Variants in SAMD12 observed in about 807,000 individuals in gnomAD.
SAMD12 encodes the protein sterile alpha motif domain containing 12, also known as sterile alpha motif domain-containing protein 12.
In SAMD12, 9 loss-of-function variants were observed where a neutral mutation model predicts 15.0. The ratio of observed to expected loss-of-function variants is 0.60; its 90% CI spans 0.36 to 1.05. SAMD12 has a LOEUF of 1.05. Ranked by LOEUF, SAMD12 falls within the 50% of genes least tolerant of loss-of-function variation. The probability of loss-of-function intolerance (pLI) is 0.01; values close to 1 mark genes in which losing one functional copy is unlikely to be tolerated. For synonymous variants in SAMD12, 86 were observed against 90.1 expected, an observed-to-expected ratio of 0.96 and a Z score of 0.25; for missense variants, 230 against 234.2, an observed-to-expected ratio of 0.98 and a Z score of 0.12.
At chr8:118,490,777 A>G (rs1356367778) in intron 2 of SAMD12, among the ~76,000 whole-genome samples, 2 of 152,154 alleles carry the variant, frequency 1.3e-5, no homozygotes, top group Admixed American at 1.3e-4. Flanking sequence ...TCTCCTAGAG[A>G]AGGCCTCCAG....
chr8:118,391,749 T>G (rs1820286420), intron 3 of SAMD12, among the ~76,000 whole-genome samples: 1 of 152,148 alleles, frequency 6.6e-6, no homozygotes, highest in Non-Finnish European at 1.5e-5. Flanking sequence ...GGTAGAAAAA[T>G]TAACAAGTAT....
intron 2 of SAMD12, among the ~76,000 whole-genome samples, chr8:118,472,285 TAA>T (rs573240063): frequency 1.7e-4 from 24 of 138,024 alleles, no homozygotes; most frequent in Non-Finnish European, 1.9e-4. Context: ...AGACTCCATC[TAA>T]AAAAAAAAAA....
At chr8:118,509,021 C>T (rs1178779162) in intron 2 of SAMD12, among the ~76,000 whole-genome samples, 1 of 152,074 alleles carries the variant, frequency 6.6e-6, no homozygotes, top group Non-Finnish European at 1.5e-5. Flanking sequence ...AGTCATTTGC[C>T]ACTTGGGAGG....
At chr8:118,304,057 A>G (rs977152546) in intron 4 of SAMD12, among the ~76,000 whole-genome samples, 4 of 152,148 alleles carry the variant, frequency 2.6e-5, no homozygotes, top group Admixed American at 2.0e-4. Context: ...AGTTGTCTTC[A>G]TCCTTCAAAG....
the SAMD12 span, among the ~76,000 whole-genome samples, chr8:118,164,325 TCA>T: frequency 1.3e-5 from 2 of 152,162 alleles, no homozygotes; most frequent in Non-Finnish European, 1.5e-5. Context: ...ATTTTGAAGG[TCA>T]TACCAGGCAG....
At chr8:118,159,832 G>T in the SAMD12 span, among the ~76,000 whole-genome samples, 3 of 149,860 alleles carry the variant, frequency 2.0e-5, no homozygotes, top group Non-Finnish European at 4.4e-5. Context: ...CGATTCTCCT[G>T]CCTCACTCTC....
At chr8:118,284,458 C>T (rs1210102090) in intron 4 of SAMD12, 4 of 424,146 alleles carry the variant, frequency 9.4e-6, no homozygotes, top group Admixed American at 2.6e-5. Flanking sequence ...TCCCTGTCCC[C>T]TTTAATCTTC....
At chr8:118,472,164 G>A (rs1343193911) in intron 2 of SAMD12, among the ~76,000 whole-genome samples, 1 of 152,078 alleles carries the variant, frequency 6.6e-6, no homozygotes, top group African/African-American at 2.4e-5. Context: ...GTGGGTGCCC[G>A]TAGCCCCAGC....
intron 4 of SAMD12, among the ~76,000 whole-genome samples, chr8:118,349,276 C>T (rs536813436): frequency 3.6e-4 from 55 of 152,294 alleles, no homozygotes; most frequent in Admixed American, 3.1e-3. Flanking sequence ...ACTGAATAAT[C>T]CTTCATCGAG....
chr8:118,386,669 G>A (rs1329636510), intron 3 of SAMD12, among the ~76,000 whole-genome samples: 1 of 152,210 alleles, frequency 6.6e-6, no homozygotes, highest in Non-Finnish European at 1.5e-5. Flanking sequence ...CACAGAAGAT[G>A]AGGTAGAGAC....
At chr8:118,542,010 C>T (rs889884580) in intron 2 of SAMD12, among the ~76,000 whole-genome samples, 7 of 152,034 alleles carry the variant, frequency 4.6e-5, no homozygotes, top group Non-Finnish European at 5.9e-5. Flanking sequence ...TGAAAAGGAC[C>T]GTGCCAAATA....
intron 3 of SAMD12, among the ~76,000 whole-genome samples, chr8:118,383,054 A>G (rs572385083): frequency 1.1e-4 from 16 of 152,198 alleles, no homozygotes; most frequent in Non-Finnish European, 2.2e-4. Context: ...CGAACATCCA[A>G]ATAAGTGTGG....
At chr8:118,384,290 A>T (rs186204392) in intron 3 of SAMD12, among the ~76,000 whole-genome samples, 9 of 152,290 alleles carry the variant, frequency 5.9e-5, no homozygotes, top group Non-Finnish European at 1.3e-4. Context: ...TCTTCTGAAT[A>T]TGGAAAGTTT....
At position 118,302,442 on chromosome 8, in the gene SAMD12, C is replaced by T. The variant is rs969766088; in HGVS notation, c.433+77118G>A. ...GATATTTAGAACATTTGGAGAATAA[C>T]GAGAGGATATATAATAAAGGGCTAA... On this transcript the variant is annotated intron_variant, in intron 4 of 4. Coordinates refer to the SAMD12 transcript ENST00000409003. 5.3e-5 allele frequency among the ~76,000 whole-genome samples: 8 copies of T among 152,096 alleles called. No homozygotes were observed. The East Asian group carries it at 5.8e-4, about 11-fold the overall frequency.
intron 2 of SAMD12, among the ~76,000 whole-genome samples, chr8:118,467,957 T>C (rs1199739327): frequency 3.9e-5 from 6 of 152,212 alleles, no homozygotes; most frequent in Non-Finnish European, 7.4e-5. Context: ...TGTGGCACCA[T>C]GCCACAGATC....
At chr8:118,206,112 C>T (rs549028300) in intron 4 of SAMD12, among the ~76,000 whole-genome samples, 19 of 152,266 alleles carry the variant, frequency 1.2e-4, no homozygotes, top group Non-Finnish European at 2.1e-4. Context: ...GCCTCAAACT[C>T]ATCTGAGGGA....
At chr8:118,559,632 C>G (rs1237301015) in intron 2 of SAMD12, among the ~76,000 whole-genome samples, 2 of 152,186 alleles carry the variant, frequency 1.3e-5, no homozygotes, top group Non-Finnish European at 2.9e-5. Context: ...GTGACATGCA[C>G]TTGGAACAGC....
intron 4 of SAMD12, among the ~76,000 whole-genome samples, chr8:118,241,771 G>A (rs1035876176): frequency 2.0e-5 from 3 of 152,016 alleles, no homozygotes; most frequent in Non-Finnish European, 4.4e-5. Flanking sequence ...TATCAACAAA[G>A]TACTCTAAAA....
chr8:118,174,992 C>T, the SAMD12 span, among the ~76,000 whole-genome samples: 1 of 150,130 alleles, frequency 6.7e-6, no homozygotes, highest in Non-Finnish European at 1.5e-5. Context: ...AACCACAATG[C>T]CATATGACTT....
Sources: gnomAD v4.1 joint callset for allele counts (sites outside exome capture counted in the v4.1 genomes callset) on GRCh38, gnomAD v4.1.1 for gene constraint, MANE v1.5 for transcripts, NCBI Gene and HGNC (gene_info 2026-07-23, HGNC 2026-07-21) for gene names.